CLEC16A: variants seen among roughly 807,000 people sequenced by gnomAD.
The protein encoded by CLEC16A is C-type lectin domain containing 16A.
CLEC16A carries 51 observed loss-of-function variants against 109.5 expected under a neutral mutation model. The observed-to-expected ratio is 0.47, with a 90% CI of 0.37 to 0.59. The LOEUF is 0.59. Ranked by LOEUF, CLEC16A falls within the 20% of genes least tolerant of loss-of-function variation. CLEC16A has a pLI of 0.00. For synonymous variants in CLEC16A, 673 were observed against 564.2 expected, an observed-to-expected ratio of 1.19 and a Z score of -2.73; for missense variants, 1,339 against 1,394.0, an observed-to-expected ratio of 0.96 and a Z score of 0.63.
At chr16:11,105,271 C>T (rs2051149350) in intron 19 of CLEC16A, among the ~76,000 whole-genome samples, 1 of 152,196 alleles carries the variant, frequency 6.6e-6, no homozygotes, top group South Asian at 2.1e-4. Flanking sequence ...CTTGGAACTG[C>T]TGCTCCCTTG....
chr16:10,967,097 A>G (rs1419311535), intron 3 of CLEC16A, among the ~76,000 whole-genome samples: 1 of 152,206 alleles, frequency 6.6e-6, no homozygotes, highest in Non-Finnish European at 1.5e-5. Flanking sequence ...CTAAGACTAC[A>G]AACCGCACAG....
intron 19 of CLEC16A, among the ~76,000 whole-genome samples, chr16:11,096,949 G>C (rs956134513): frequency 6.6e-6 from 1 of 152,148 alleles, no homozygotes; most frequent in Admixed American, 6.5e-5. Context: ...CCTTAGGATG[G>C]TCAGGAAATG....
intron 9 of CLEC16A, among the ~76,000 whole-genome samples, chr16:10,981,941 T>C (rs2043344511): frequency 6.6e-6 from 1 of 152,202 alleles, no homozygotes; most frequent in Admixed American, 6.5e-5. Context: ...GGGATGCTGC[T>C]CACCAGCCTG....
chr16:11,127,030 A>G (rs2052872364), intron 22 of CLEC16A, among the ~76,000 whole-genome samples: 1 of 152,206 alleles, frequency 6.6e-6, no homozygotes, highest in Non-Finnish European at 1.5e-5. Flanking sequence ...CATTATTTAT[A>G]TGTATATACC....
intron 19 of CLEC16A, among the ~76,000 whole-genome samples, chr16:11,085,167 A>G (rs2049942429): frequency 6.6e-6 from 1 of 152,218 alleles, no homozygotes; most frequent in Non-Finnish European, 1.5e-5. Context: ...CACTGGACTC[A>G]TTTACAGACG....
intron 22 of CLEC16A, among the ~76,000 whole-genome samples, chr16:11,141,124 C>T (rs1257786282): frequency 6.6e-6 from 1 of 152,258 alleles, no homozygotes; most frequent in Non-Finnish European, 1.5e-5. Flanking sequence ...GCTGGAGTCA[C>T]TTGCAGAGCA....
intron 13 of CLEC16A, among the ~76,000 whole-genome samples, chr16:11,025,649 T>C (rs942047136): frequency 2.0e-5 from 3 of 152,130 alleles, no homozygotes; most frequent in Admixed American, 2.0e-4. Flanking sequence ...AATCAAGTGA[T>C]ATTTTAGTAG....
At chr16:11,142,007 C>T (rs1438721053) in intron 22 of CLEC16A, among the ~76,000 whole-genome samples, 5 of 152,162 alleles carry the variant, frequency 3.3e-5, no homozygotes, top group African/African-American at 9.7e-5. Flanking sequence ...GACTCGGGCA[C>T]TGGGGATGTC....
chr16:10,953,719 G>C (rs992108685), intron 1 of CLEC16A, among the ~76,000 whole-genome samples: 2 of 152,248 alleles, frequency 1.3e-5, no homozygotes, highest in African/African-American at 4.8e-5. Context: ...GCTCACGCCT[G>C]TAATCCAAAC....
intron 19 of CLEC16A, among the ~76,000 whole-genome samples, chr16:11,115,997 C>T (rs1294707580): frequency 2.0e-5 from 3 of 151,992 alleles, no homozygotes; most frequent in African/African-American, 7.2e-5. Context: ...AGGCATGAGC[C>T]ACCGTGCCCA....
Position 10,977,300 on chromosome 16 carries a change from G to T in CLEC16A, c.804G>T (p.Leu268=). 1 of 1,613,988 alleles carries T rather than the reference G, an allele frequency of 6.2e-7. No individual in the cohort carries two copies. Among genetic ancestry groups the T allele is most frequent in the East Asian group, 2.2e-5 (1 of 44,874 alleles). Residue 268 remains leucine (L), a synonymous_variant, in exon 8 of 24, where the codon CTG becomes CTT. Transcript: ENST00000409790. ...LDHLHYLNDI[L]IINCEFLNDV... ...ACCTGCACTATCTCAATGACATCCT[G>T]ATCATCAACTGTGAGTTCCTCAACG...
At chr16:10,974,149 G>A (rs1476480827) in intron 7 of CLEC16A, among the ~76,000 whole-genome samples, 1 of 151,532 alleles carries the variant, frequency 6.6e-6, no homozygotes, top group Non-Finnish European at 1.5e-5. Flanking sequence ...CACCCACCTG[G>A]GCCTCCCAGA....
intron 16 of CLEC16A, among the ~76,000 whole-genome samples, chr16:11,046,801 C>G (rs978378127): frequency 6.6e-6 from 1 of 152,154 alleles, no homozygotes; most frequent in South Asian, 2.1e-4. Context: ...AACAACATAA[C>G]CCCGAAAGCA....
chr16:11,061,170 C>A, intron 19 of CLEC16A, 148 bp downstream of exon 19: 1 of 929,886 alleles, frequency 1.1e-6, no homozygotes, highest in Non-Finnish European at 1.5e-6. Context: ...CAGCGGTGTG[C>A]ATGTCCCATG....
At chr16:11,135,789 G>A (rs572895056) in intron 22 of CLEC16A, among the ~76,000 whole-genome samples, 2 of 152,364 alleles carry the variant, frequency 1.3e-5, no homozygotes, top group African/African-American at 4.8e-5. Context: ...CATGCCGGCA[G>A]CACAGCACAG....
Position 10,962,589 on chromosome 16 carries a change from G to T in CLEC16A, c.343+1G>T. On this transcript the variant is annotated splice_donor_variant, in intron 3 of 23. Coordinates refer to ENST00000409790, the MANE Select transcript of CLEC16A (RefSeq NM_015226.3). LOFTEE classifies it high-confidence loss of function. ...AACATCAGTCACGAGACCTCACTTT[G>T]TAAGGACATTCCTTGGTATTTGCCT... The T allele has an allele frequency of 6.2e-7, 1 of 1,613,666 alleles. No individual in the cohort carries two copies. The highest frequency in any genetic ancestry group is 1.3e-5 in the African/African-American group (1 of 75,014).
At chr16:11,071,732 G>T in intron 19 of CLEC16A, among the ~76,000 whole-genome samples, 1 of 133,390 alleles carries the variant, frequency 7.5e-6, no homozygotes, top group Non-Finnish European at 1.6e-5. Flanking sequence ...GACTACAGAT[G>T]TGCACCACCA....
chr16:11,162,372 G>C (rs1480412378), intron 22 of CLEC16A, among the ~76,000 whole-genome samples: 1 of 152,218 alleles, frequency 6.6e-6, no homozygotes. Flanking sequence ...TGTTAGGATC[G>C]GGAGCTTGAG....
intron 23 of CLEC16A, among the ~76,000 whole-genome samples, chr16:11,173,601 C>T (rs2068617159): frequency 6.6e-6 from 1 of 152,106 alleles, no homozygotes. Context: ...TCTCAGGACT[C>T]GGAGCTGTGC....
Sources: gnomAD v4.1 joint callset for allele counts (sites outside exome capture counted in the v4.1 genomes callset) on GRCh38, gnomAD v4.1.1 for gene constraint, MANE v1.5 for transcripts, NCBI Gene and HGNC (gene_info 2026-07-23, HGNC 2026-07-21) for gene names.